GALNT13: variants seen among roughly 807,000 people sequenced by gnomAD.
GALNT13 encodes polypeptide N-acetylgalactosaminyltransferase 13, also known as UDP-GalNAc:polypeptide N-acetylgalactosaminyltransferase 13.
GALNT13 carries 28 observed loss-of-function variants against 64.2 expected under a neutral mutation model. That is an observed-to-expected ratio of 0.44 (90% CI 0.32 to 0.60). The LOEUF is 0.60. GALNT13 is among the 20% of genes least tolerant of loss of function. The pLI is 0.05. For synonymous variants in GALNT13, 214 were observed against 224.6 expected (o/e 0.95, Z 0.42); for missense variants, 577 against 669.8 (o/e 0.86, Z 1.53).
At chr2:153,160,386 T>C in the GALNT13 span, among the ~76,000 whole-genome samples, 1 of 152,210 alleles carries the variant, frequency 6.6e-6, no homozygotes, top group Non-Finnish European at 1.5e-5. Context: ...CCTTGTAATG[T>C]TGAAATAGGG....
chr2:154,208,119 A>G (rs1454719339), intron 4 of GALNT13, among the ~76,000 whole-genome samples: 1 of 152,212 alleles, frequency 6.6e-6, no homozygotes, highest in Non-Finnish European at 1.5e-5. Context: ...TAGTTGGTAA[A>G]AACAAAATTA....
At chr2:154,381,864 A>C (rs906127834) in intron 9 of GALNT13, among the ~76,000 whole-genome samples, 1 of 152,090 alleles carries the variant, frequency 6.6e-6, no homozygotes, top group African/African-American at 2.4e-5. Context: ...TGCTGCCTTC[A>C]TCTTTTGACC....
chr2:154,292,734 T>C (rs1393272498), intron 8 of GALNT13, among the ~76,000 whole-genome samples: 8 of 152,190 alleles, frequency 5.3e-5, no homozygotes, highest in Non-Finnish European at 1.2e-4. Context: ...AGAGGTAGTA[T>C]GTTTATGGGT....
chr2:154,277,786 T>A (rs1251655196), intron 8 of GALNT13, among the ~76,000 whole-genome samples: 1 of 152,212 alleles, frequency 6.6e-6, no homozygotes, highest in Non-Finnish European at 1.5e-5. Context: ...TACAACATTT[T>A]CAAAATTCCA....
At chr2:153,149,456 T>C in the GALNT13 span, among the ~76,000 whole-genome samples, 1 of 151,878 alleles carries the variant, frequency 6.6e-6, no homozygotes, top group Non-Finnish European at 1.5e-5. Flanking sequence ...AAGTCACTTG[T>C]GTGATTTCCT....
intron 8 of GALNT13, chr2:154,287,264 A>G (rs1417678032): frequency 1.2e-6 from 1 of 812,778 alleles, no homozygotes; most frequent in Non-Finnish European, 2.1e-6. Context: ...CGGCAACTCC[A>G]AGACAGCAGA....
At chr2:153,800,084 C>CTCTCTCTCTCTCTCTCTCTCT in the GALNT13 span, among the ~76,000 whole-genome samples, 95 of 145,542 alleles carry the variant, frequency 6.5e-4, no homozygotes, top group Non-Finnish European at 9.0e-4. Flanking sequence ...CTCTCTCTCT[C>CTCTCTCTCTCTCTCTCTCTCT]CACCCCCCAC....
At chr2:153,256,400 C>G in the GALNT13 span, among the ~76,000 whole-genome samples, 1 of 152,088 alleles carries the variant, frequency 6.6e-6, no homozygotes, top group Non-Finnish European at 1.5e-5. Context: ...AACTTCTTTG[C>G]CTTTGGTTTG....
At chr2:153,617,176 A>G in the GALNT13 span, among the ~76,000 whole-genome samples, 1 of 151,978 alleles carries the variant, frequency 6.6e-6, no homozygotes, top group Non-Finnish European at 1.5e-5. Context: ...GCTTTTCTCC[A>G]TTTAGTATGA....
the GALNT13 span, among the ~76,000 whole-genome samples, chr2:153,403,115 G>T: frequency 2.3e-4 from 35 of 151,842 alleles, no homozygotes; most frequent in Non-Finnish European, 4.3e-4. Context: ...TGGTGTGGAT[G>T]TCCTTTATGT....
chr2:153,192,582 C>T, the GALNT13 span, among the ~76,000 whole-genome samples: 1 of 152,028 alleles, frequency 6.6e-6, no homozygotes, highest in Non-Finnish European at 1.5e-5. Context: ...CTGTCTGTTG[C>T]TGAGAGTGGT....
At chr2:154,018,677 T>G in intron 3 of GALNT13, among the ~76,000 whole-genome samples, 2 of 148,422 alleles carry the variant, frequency 1.3e-5, no homozygotes, top group South Asian at 2.2e-4. Context: ...GGTGAGGGGC[T>G]GAGGGAGATG....
At chr2:153,611,869 C>A in the GALNT13 span, among the ~76,000 whole-genome samples, 6 of 151,556 alleles carry the variant, frequency 4.0e-5, no homozygotes, top group East Asian at 2.0e-4. Context: ...CCCCCACCCC[C>A]CAACAGTCCC....
At chr2:153,351,668 A>G in the GALNT13 span, among the ~76,000 whole-genome samples, 26 of 152,316 alleles carry the variant, frequency 1.7e-4, no homozygotes, top group African/African-American at 6.3e-4. Context: ...CATTGTCTCC[A>G]AAGCATTACC....
chr2:153,519,938 G>A, the GALNT13 span, among the ~76,000 whole-genome samples: 2 of 152,074 alleles, frequency 1.3e-5, no homozygotes, highest in African/African-American at 4.8e-5. Flanking sequence ...CATATAATGT[G>A]GCCTGAAGAT....
the GALNT13 span, among the ~76,000 whole-genome samples, chr2:153,674,010 CT>C: frequency 3.3e-5 from 5 of 152,142 alleles, no homozygotes; most frequent in East Asian, 9.6e-4. Flanking sequence ...TGAAGGTCCT[CT>C]TCAAGGAGAA....
intron 3 of GALNT13, among the ~76,000 whole-genome samples, chr2:154,115,744 C>T (rs1159930833): frequency 6.6e-6 from 1 of 152,068 alleles, no homozygotes; most frequent in African/African-American, 2.4e-5. Context: ...TTTTAACTTC[C>T]CGATCTGCAA....
Position 154,298,685 on chromosome 2 carries a change from T to G in GALNT13, c.976-2724T>G, listed in dbSNP as rs374146086. Among the ~76,000 whole-genome samples the G allele has an allele frequency of 3.0e-3, 143 of 47,346 alleles. 26 individuals are homozygous for G. Among genetic ancestry groups the G allele is most frequent in the Non-Finnish European group, 4.9e-3 (102 of 20,978 alleles). 31.1% of individuals were successfully genotyped at this position (47,346 alleles called of 152,430 possible). A position where few individuals can be genotyped will look rare whatever the true frequency, so the allele number is the denominator to read the frequency against. Reference sequence around the variant, plus strand: ...TTTATATATACATTGTATATACAATTTATATATACATTGTATATACAATTT... The same window carrying G: ...TTTATATATACATTGTATATACAATGTATATATACATTGTATATACAATTT... On this transcript the variant is annotated intron_variant, in intron 8 of 12. Coordinates refer to ENST00000392825, the MANE Select transcript of GALNT13 (RefSeq NM_052917.4).
chr2:153,645,815 C>T, the GALNT13 span, among the ~76,000 whole-genome samples: 2 of 151,956 alleles, frequency 1.3e-5, no homozygotes, highest in Non-Finnish European at 2.9e-5. Context: ...TTTTTTATTT[C>T]CCAGCCAACA....
Sources: allele counts gnomAD v4.1 joint callset (sites outside exome capture counted in the v4.1 genomes callset), GRCh38; gene constraint gnomAD v4.1.1; transcripts MANE v1.5; gene names NCBI Gene and HGNC (gene_info 2026-07-23, HGNC 2026-07-21).